Variants in STAU1 observed in about 807,000 individuals in gnomAD.
The protein encoded by STAU1 is staufen double-stranded RNA binding protein 1, also known as double-stranded RNA-binding protein Staufen homolog 1.
A neutral mutation model predicts 62.9 loss-of-function variants in STAU1; 13 were observed. The ratio of observed to expected loss-of-function variants is 0.21; its 90% CI spans 0.13 to 0.33. The LOEUF (loss-of-function observed/expected upper bound fraction) is 0.33, where lower values mean the gene tolerates loss of function less well. Among genes scored for constraint, STAU1 ranks in the 10% least tolerant of loss-of-function variants. The probability of loss-of-function intolerance (pLI) is 1.00; values close to 1 mark genes in which losing one functional copy is unlikely to be tolerated. For synonymous variants in STAU1, 269 were observed against 265.1 expected (o/e 1.01, Z -0.14); for missense variants, 571 against 712.1 (o/e 0.80, Z 2.25).
intron 1 of STAU1, among the ~76,000 whole-genome samples, chr20:49,177,077 A>G (rs977839206): frequency 5.3e-5 from 8 of 151,856 alleles, no homozygotes; most frequent in African/African-American, 1.9e-4. Context: ...ATGCCCGGCT[A>G]ATTTTTTGTA....
the STAU1 span, among the ~76,000 whole-genome samples, chr20:49,194,575 T>G: frequency 6.5e-4 from 4 of 6,196 alleles, no homozygotes; most frequent in South Asian, 7.4e-3. Context: ...AGAGAACTAT[T>G]ATTATTACTA....
intron 6 of STAU1, among the ~76,000 whole-genome samples, chr20:49,127,435 G>A (rs1202191059): frequency 6.6e-6 from 1 of 151,984 alleles, no homozygotes; most frequent in Admixed American, 6.6e-5. Flanking sequence ...GCCAGGTGCA[G>A]TGGCTCACGC....
At chr20:49,123,053 G>A (rs1367123599) in intron 8 of STAU1, 39 bp downstream of exon 8, 3 of 1,538,114 alleles carry the variant, frequency 2.0e-6, no homozygotes, top group Admixed American at 4.0e-5. Context: ...GGCTGGACGT[G>A]GTCAGAGGAA....
chr20:49,165,847 C>T (rs1006876065), intron 3 of STAU1, 150 bp downstream of exon 3: 153 of 739,428 alleles, frequency 2.1e-4, no homozygotes, highest in Non-Finnish European at 3.3e-4. Context: ...AACCAGTGTT[C>T]TATATCTGGG....
Position 49,135,949 on chromosome 20 carries a change from T to C in STAU1, c.511-18A>G, listed in dbSNP as rs1454677634. 3.1e-6 allele frequency: 5 copies of C among 1,594,514 alleles called. No homozygotes were observed. The highest frequency in any genetic ancestry group is 4.3e-6 in the Non-Finnish European group (5 of 1,164,344). On this transcript the variant is annotated intron_variant, in intron 5 of 13. Coordinates refer to ENST00000371856, the MANE Select transcript of STAU1 (RefSeq NM_017453.4). Reference sequence around the variant, plus strand: ...CCATTCACCTGTAAGAATAATTGTTTAGTAGTTAGCTCTTATTAAAATAGT... The same window carrying C: ...CCATTCACCTGTAAGAATAATTGTTCAGTAGTTAGCTCTTATTAAAATAGT...
upstream of STAU1, among the ~76,000 whole-genome samples, chr20:49,189,333 G>C (rs568228733): frequency 2.7e-5 from 4 of 149,478 alleles, no homozygotes; most frequent in South Asian, 8.5e-4. Context: ...TTGGAGAGAG[G>C]GTGGCCAGTA....
chr20:49,201,175 G>A, the STAU1 span, among the ~76,000 whole-genome samples: 1 of 151,786 alleles, frequency 6.6e-6, no homozygotes, highest in East Asian at 1.9e-4. Flanking sequence ...TGTTCTCTAT[G>A]CTACTAAAAT....
At chr20:49,188,054 CTCCCCACCGCGGCGGCGCCCGCGAGG>C in intron 1 of STAU1, 36 bp downstream of exon 1, 1 of 151,400 alleles carries the variant, frequency 6.6e-6, no homozygotes, top group Non-Finnish European at 1.5e-5. Context: ...CGCCGCCCAC[CTCCCCACCGCGGCGGCGCCCGCGAGG>C]GCCCCACCAG....
chr20:49,153,337 G>A (rs2093292732), intron 4 of STAU1, among the ~76,000 whole-genome samples: 1 of 150,268 alleles, frequency 6.7e-6, no homozygotes, highest in African/African-American at 2.5e-5. Context: ...AAGACAGGAG[G>A]ACTCCTTGAG....
At chr20:49,127,766 C>T (rs1294288360) in intron 6 of STAU1, among the ~76,000 whole-genome samples, 1 of 151,792 alleles carries the variant, frequency 6.6e-6, no homozygotes, top group African/African-American at 2.4e-5. Flanking sequence ...AATCCCAGCA[C>T]TTTGAGAAGG....
intron 3 of STAU1, 34 bp downstream of exon 3, chr20:49,165,963 T>C (rs372236012): frequency 6.8e-6 from 11 of 1,605,980 alleles, no homozygotes; most frequent in South Asian, 3.3e-5. Flanking sequence ...AAGAAAACAT[T>C]TGAAATAGAA....
intron 5 of STAU1, among the ~76,000 whole-genome samples, chr20:49,148,381 T>C (rs767432223): frequency 7.2e-5 from 11 of 152,350 alleles, no homozygotes; most frequent in Middle Eastern, 6.8e-3. Flanking sequence ...ATAAATTTCA[T>C]GTTTAGACTT....
chr20:49,181,766 C>CAAAAAAAA (rs758956478), intron 1 of STAU1, among the ~76,000 whole-genome samples: 3 of 24,560 alleles, frequency 1.2e-4, no homozygotes, highest in East Asian at 9.1e-4. Flanking sequence ...ACTATCTCAA[C>CAAAAAAAA]AAAAAAAAAA....
chr20:49,211,807 C>A, the STAU1 span, among the ~76,000 whole-genome samples: 1 of 152,366 alleles, frequency 6.6e-6, no homozygotes, highest in Admixed American at 6.5e-5. Context: ...TGCTCCCACT[C>A]TGCCTCAGCC....
At chr20:49,217,675 A>AT in the STAU1 span, among the ~76,000 whole-genome samples, 8 of 104,382 alleles carry the variant, frequency 7.7e-5, no homozygotes, top group East Asian at 4.4e-4. Context: ...TTTCCTTTTA[A>AT]AATATATATA....
chr20:49,118,423 A>AT lies in STAU1; in HGVS notation c.1114-16_1114-15insA. On this transcript the variant is annotated splice_polypyrimidine_tract_variant and intron_variant, in intron 9 of 13. Coordinates refer to ENST00000371856, the MANE Select transcript of STAU1 (RefSeq NM_017453.4). ...TTTATGGGTGTCTTAAAAAAGAAGA[A>AT]GAAAAAAAAAAGGCCATGAGCATAA... The AT allele has an allele frequency of 6.3e-7, 1 of 1,580,928 alleles. No individual in the cohort carries two copies. The highest frequency in any genetic ancestry group is 8.6e-7 in the Non-Finnish European group (1 of 1,158,518).
chr20:49,146,802 C>T (rs557919150), intron 5 of STAU1, among the ~76,000 whole-genome samples: 1 of 152,180 alleles, frequency 6.6e-6, no homozygotes, highest in African/African-American at 2.4e-5. Context: ...GCATCTTCAT[C>T]CCTTTTCATG....
Position 49,172,083 on chromosome 20 carries a change from G to C in STAU1, c.-85+2112C>G, listed in dbSNP as rs555748561. Among the ~76,000 whole-genome samples the C allele has an allele frequency of 6.6e-5, 10 of 152,292 alleles. No individual in the cohort carries two copies. The East Asian group carries it at 1.9e-3, about 29-fold the overall frequency. Reference sequence around the variant, plus strand: ...CAGGATCTTTGCACTTGCAATACAAGTGAGACTGAATGTGGTCCCTGTCTC... The same window carrying C: ...CAGGATCTTTGCACTTGCAATACAACTGAGACTGAATGTGGTCCCTGTCTC... On this transcript the variant is annotated intron_variant, in intron 2 of 13. Transcript: ENST00000371856.
At chr20:49,217,324 G>C in the STAU1 span, among the ~76,000 whole-genome samples, 55 of 152,092 alleles carry the variant, frequency 3.6e-4, no homozygotes, top group African/African-American at 1.3e-3. Flanking sequence ...CAAGGAACTT[G>C]ATGGCAAAGT....
Sources: gnomAD v4.1 joint callset for allele counts (sites outside exome capture counted in the v4.1 genomes callset) on GRCh38, gnomAD v4.1.1 for gene constraint, MANE v1.5 for transcripts, NCBI Gene and HGNC (gene_info 2026-07-23, HGNC 2026-07-21) for gene names.